Variants in HAPLN1 observed in about 807,000 individuals in gnomAD.
HAPLN1 encodes hyaluronan and proteoglycan link protein 1.
Under a neutral mutation model 36.5 loss-of-function variants are expected in HAPLN1, and 13 were observed. The ratio of observed to expected loss-of-function variants is 0.36; its 90% CI spans 0.23 to 0.57. The LOEUF is 0.57. Ranked by LOEUF, HAPLN1 falls within the 20% of genes least tolerant of loss-of-function variation. HAPLN1 has a pLI of 0.83. For missense variants in HAPLN1, 407 were observed against 439.7 expected, an observed-to-expected ratio of 0.93 and a Z score of 0.66; for synonymous variants, 202 against 169.8, an observed-to-expected ratio of 1.19 and a Z score of -1.48.
chr5:83,642,524 C>T (rs1749731171), intron 4 of HAPLN1, among the ~76,000 whole-genome samples: 1 of 152,064 alleles, frequency 6.6e-6, no homozygotes, highest in African/African-American at 2.4e-5. Flanking sequence ...ACTGAGATTC[C>T]TTCAATATGT....
At position 83,641,425 on chromosome 5, in the gene HAPLN1, C is replaced by A; in HGVS notation, c.*71G>T. On this transcript the variant is annotated 3_prime_UTR_variant, in exon 5 of 5. Coordinates refer to ENST00000274341, the MANE Select transcript of HAPLN1 (RefSeq NM_001884.4). ...ACAGTTTTGGTAACTTGCATGAGTTCATATTGGAAAAAAAAAACACCTTTC... is the reference window on the plus strand; with the variant it reads ...ACAGTTTTGGTAACTTGCATGAGTTAATATTGGAAAAAAAAAACACCTTTC... 3 of 1,418,398 alleles carry A rather than the reference C, an allele frequency of 2.1e-6. No individual in the cohort carries two copies. Among genetic ancestry groups the A allele is most frequent in the South Asian group, 1.5e-5 (1 of 68,634 alleles). The allele number at this position is 1,418,398 out of a possible 1,614,324, so 87.9% of individuals were successfully genotyped here.
At chr5:83,712,123 A>G (rs1161435408) in intron 1 of HAPLN1, among the ~76,000 whole-genome samples, 1 of 152,234 alleles carries the variant, frequency 6.6e-6, no homozygotes. Context: ...ATGAGGAATC[A>G]TGTTAACATT....
rs992028046 is a variant in HAPLN1 at position 83,641,875 on chromosome 5, T to A, written c.776-90A>T. On this transcript the variant is annotated intron_variant, in intron 4 of 4. Transcript: ENST00000274341. ...AGCCAAAAACGGAAGTGTTTCTCAA[T>A]GAAGGGGGATATAGAGCAATGTTTG... 1.6e-5 allele frequency: 21 copies of A among 1,306,668 alleles called. No homozygotes were observed. The South Asian group carries it at 2.4e-4, about 15-fold the overall frequency. The allele number at this position is 1,306,668 out of a possible 1,614,324, so 80.9% of individuals were successfully genotyped here.
At chr5:83,682,049 A>G (rs1218911528) in intron 1 of HAPLN1, among the ~76,000 whole-genome samples, 1 of 152,182 alleles carries the variant, frequency 6.6e-6, no homozygotes, top group Non-Finnish European at 1.5e-5. Flanking sequence ...ATGCATTTGA[A>G]ATTGTTTTTA....
intron 1 of HAPLN1, among the ~76,000 whole-genome samples, chr5:83,718,205 C>T (rs959256727): frequency 2.6e-5 from 4 of 152,152 alleles, no homozygotes; most frequent in African/African-American, 9.7e-5. Context: ...TTAAATACAA[C>T]CAGTAGGGAT....
chr5:83,710,582 T>G (rs1021691542), intron 1 of HAPLN1, among the ~76,000 whole-genome samples: 13 of 151,914 alleles, frequency 8.6e-5, no homozygotes, highest in Admixed American at 1.3e-4. Flanking sequence ...AGGAGAAAGA[T>G]TGACAGAAGG....
chr5:83,715,506 G>A (rs569659470), intron 1 of HAPLN1, among the ~76,000 whole-genome samples: 1 of 152,312 alleles, frequency 6.6e-6, no homozygotes, highest in Admixed American at 6.5e-5. Context: ...CTCCTCCACT[G>A]GTTTGTGAAC....
At position 83,639,257 on chromosome 5, in the gene HAPLN1, A is replaced by C. The variant is rs571112729; in HGVS notation, c.*2239T>G. ...ATGAGAAGAAAAAATTCTGCTCAGC[A>C]GTATTCACTGTGTTAAGATTTTTTG... On this transcript the variant is annotated 3_prime_UTR_variant, in exon 5 of 5. Transcript: ENST00000274341. 1.4e-4 allele frequency: 21 copies of C among 152,218 alleles called. No individual in the cohort carries two copies. The highest frequency in any genetic ancestry group is 5.0e-4 in the African/African-American group (21 of 41,590). The allele number at this position is 152,218 out of a possible 1,614,324, so 9.4% of individuals were successfully genotyped here.
chr5:83,689,209 G>A (rs1751212142), intron 1 of HAPLN1, among the ~76,000 whole-genome samples: 1 of 152,052 alleles, frequency 6.6e-6, no homozygotes, highest in Admixed American at 6.5e-5. Flanking sequence ...ATTTGGAAGG[G>A]TAGGGTGAGG....
In HAPLN1 at chr5:83,640,663, A is replaced by G. The variant is rs569179152; in HGVS notation, c.*833T>C. Reference sequence around the variant, plus strand: ...TTTTTCTGTCCAGCAGTTTATCTATATAACTGCCCTGAGTAGATGCTAAAT... The same window carrying G: ...TTTTTCTGTCCAGCAGTTTATCTATGTAACTGCCCTGAGTAGATGCTAAAT... On this transcript the variant is annotated 3_prime_UTR_variant, in exon 5 of 5. Transcript: ENST00000274341. The G allele has an allele frequency of 9.2e-5, 14 of 152,324 alleles. No homozygotes were observed. The highest frequency in any genetic ancestry group is 3.4e-4 in the African/African-American group (14 of 41,596). 9.4% of individuals were successfully genotyped at this position (152,324 alleles called of 1,614,324 possible).
chr5:83,702,654 A>T (rs1477359981), intron 1 of HAPLN1, among the ~76,000 whole-genome samples: 1 of 152,192 alleles, frequency 6.6e-6, no homozygotes, highest in East Asian at 1.9e-4. Flanking sequence ...AAATTTTCCA[A>T]CTAGCTGATT....
intron 1 of HAPLN1, among the ~76,000 whole-genome samples, chr5:83,688,537 T>A (rs1751190667): frequency 6.6e-6 from 1 of 151,754 alleles, no homozygotes; most frequent in African/African-American, 2.4e-5. Flanking sequence ...TTCTTTCCAA[T>A]AATTAAATGC....
At position 83,681,720 on chromosome 5, in the gene HAPLN1, C is replaced by T. The variant is rs113571710; in HGVS notation, c.-26-8171G>A. ...GAGAGGAGGTCTCCCTATTTGCCCA[C>T]GCTATACATCATTTGAAATATATAG... On this transcript the variant is annotated intron_variant, in intron 1 of 4. Transcript: ENST00000274341. Among the ~76,000 whole-genome samples the T allele has an allele frequency of 4.5e-4, 69 of 152,164 alleles. No individual in the cohort carries two copies. In the Middle Eastern group the frequency reaches 0.017, roughly 38 times the overall value.
chr5:83,672,426 A>C (rs1295699676), intron 2 of HAPLN1, among the ~76,000 whole-genome samples: 9 of 152,256 alleles, frequency 5.9e-5, no homozygotes, highest in Admixed American at 5.9e-4. Flanking sequence ...GAAAAAAATA[A>C]AGCTGTTGGA....
Position 83,652,759 on chromosome 5 carries a change from T to G in HAPLN1, c.166A>C (p.Asn56His), listed in dbSNP as rs1345284457. ...TAAAATTTACATGGCAGTGTAACAT[T>G]GCCACCTCTGTGTGAAAACACCTTG... ...QAKVFSHRGG[N>H]VTLPCKFYRD... is the part of the protein sequence containing the mutation. The change falls in exon 3 of 5, where the codon AAT becomes CAT. Residue 56 changes from asparagine to histidine, a missense_variant. Asn to His is a moderately conservative substitution (Grantham distance 68, BLOSUM62 1). Transcript: ENST00000274341. 1 of 1,613,864 alleles carries G rather than the reference T, an allele frequency of 6.2e-7. No homozygotes were observed. The highest frequency in any genetic ancestry group is 2.2e-5 in the East Asian group (1 of 44,870).
At chr5:83,695,237 T>C (rs1256571670) in intron 1 of HAPLN1, among the ~76,000 whole-genome samples, 1 of 152,162 alleles carries the variant, frequency 6.6e-6, no homozygotes, top group African/African-American at 2.4e-5. Flanking sequence ...ACAATTCTCC[T>C]GCCTCAGCCT....
At chr5:83,648,431 A>ATATATATATATT (rs1749945456) in intron 3 of HAPLN1, among the ~76,000 whole-genome samples, 1 of 133,522 alleles carries the variant, frequency 7.5e-6, no homozygotes, top group African/African-American at 2.9e-5. Flanking sequence ...ATATATATAT[A>ATATATATATATT]TATATATGGT....
At chr5:83,667,517 T>C (rs184186672) in intron 2 of HAPLN1, among the ~76,000 whole-genome samples, 1 of 152,282 alleles carries the variant, frequency 6.6e-6, no homozygotes, top group East Asian at 1.9e-4. Context: ...TGTAGATATT[T>C]TTCCTGGTAT....
At chr5:83,644,993 G>C (rs1426592076) in intron 3 of HAPLN1, among the ~76,000 whole-genome samples, 2 of 152,126 alleles carry the variant, frequency 1.3e-5, no homozygotes, top group Non-Finnish European at 2.9e-5. Context: ...CTTACCATTT[G>C]CTGCCAGTTA....
Sources: allele counts gnomAD v4.1 joint callset (sites outside exome capture counted in the v4.1 genomes callset), GRCh38; gene constraint gnomAD v4.1.1; transcripts MANE v1.5; gene names NCBI Gene and HGNC (gene_info 2026-07-23, HGNC 2026-07-21).